RBBP8NL: variants seen among roughly 807,000 people sequenced by gnomAD.
RBBP8NL encodes RBBP8 N-terminal-like protein.
Under a neutral mutation model 62.2 loss-of-function variants are expected in RBBP8NL, and 59 were observed. The ratio of observed to expected loss-of-function variants is 0.95; its 90% CI spans 0.77 to 1.18. RBBP8NL has a LOEUF of 1.18. Among genes scored for constraint, RBBP8NL ranks in the 50% most tolerant of loss-of-function variants. The probability of loss-of-function intolerance (pLI) is 0.00; values close to 1 mark genes in which losing one functional copy is unlikely to be tolerated. For missense variants in RBBP8NL, 896 were observed against 899.5 expected (o/e 1.00, Z 0.05); for synonymous variants, 412 against 394.1 (o/e 1.05, Z -0.54).
chr20:62,414,101 G>A lies in RBBP8NL; in HGVS notation c.1250C>T (p.Thr417Ile). 6.3e-7 allele frequency: 1 copy of A among 1,593,002 alleles called. No homozygotes were observed. The highest frequency in any genetic ancestry group is 8.5e-7 in the Non-Finnish European group (1 of 1,171,808). Residue 417 changes from threonine to isoleucine, a missense_variant, in exon 10 of 14, where the codon ACA (threonine) becomes ATA (isoleucine). By Grantham distance (89) the Thr-to-Ile change is moderately conservative. Coordinates refer to ENST00000252998, the MANE Select transcript of RBBP8NL (RefSeq NM_080833.3). ...GGCGCGGCCCGGGCCTGCAGGCTGT[G>A]TGTGCCGCCCTCCAGACAGGCCTGC... Reference protein sequence around the residue: ...AAAGLSGGRHTQPAGPGRAQR... With the variant: ...AAAGLSGGRHIQPAGPGRAQR...
intron 5 of RBBP8NL, among the ~76,000 whole-genome samples, chr20:62,416,444 G>A (rs563115630): frequency 1.3e-5 from 2 of 152,342 alleles, no homozygotes; most frequent in African/African-American, 4.8e-5. Flanking sequence ...GAGGGAAGGG[G>A]GCTTGCCCTT....
At position 62,412,638 on chromosome 20, in the gene RBBP8NL, T is replaced by C. The variant is rs758640083; in HGVS notation, c.1862A>G (p.Glu621Gly). 4.4e-6 allele frequency: 7 copies of C among 1,605,254 alleles called. No homozygotes were observed. Among genetic ancestry groups the C allele is most frequent in the Non-Finnish European group, 5.1e-6 (6 of 1,179,860 alleles). ...GPPRKRKRAS[E>G]PGDKASKKPS... ...GCCAGCTGTACCTTTGTCCCCAGGC[T>C]CCGAGGCCCGCTTCCTCTTCCGTGG... is the stretch of plus-strand genomic sequence containing the variant. The change falls in exon 13 of 14, where the codon GAG becomes GGG. Residue 621 changes from glutamate to glycine, a missense_variant. Physicochemically the swap from Glu to Gly is moderately conservative, Grantham distance 98. Coordinates refer to ENST00000252998, the MANE Select transcript of RBBP8NL (RefSeq NM_080833.3).
chr20:62,426,904 G>A (rs954728202), intron 1 of RBBP8NL, among the ~76,000 whole-genome samples: 15 of 152,244 alleles, frequency 9.9e-5, no homozygotes, highest in African/African-American at 2.9e-4. Context: ...GAGGTGGGCC[G>A]GGCTGCTCTC....
intron 2 of RBBP8NL, among the ~76,000 whole-genome samples, 175 bp downstream of exon 2, chr20:62,419,412 G>A (rs1392547621): frequency 1.3e-5 from 2 of 152,152 alleles, no homozygotes; most frequent in African/African-American, 2.4e-5. Flanking sequence ...TGTCTGCCAC[G>A]TTGTAGCTCT....
rs1237346736 is a variant in RBBP8NL at position 62,419,626 on chromosome 20, G to A, written c.22C>T (p.Leu8=). The A allele has an allele frequency of 6.2e-7, 1 of 1,613,478 alleles. No individual in the cohort carries two copies. Among genetic ancestry groups the A allele is most frequent in the Non-Finnish European group, 8.5e-7 (1 of 1,179,946 alleles). Residue 8 remains leucine, a synonymous_variant, in exon 2 of 14, where the codon CTG becomes TTG. Transcript: ENST00000252998. The part of the protein sequence containing the change: MESFMES[L]NRLKEIHEKE... ...TCGTGGATCTCCTTCAGCCTGTTCAGCGACTCCATGAAGCTCTCCATGGCT... is the reference window on the plus strand; with the variant it reads ...TCGTGGATCTCCTTCAGCCTGTTCAACGACTCCATGAAGCTCTCCATGGCT...
Position 62,417,399 on chromosome 20 carries a change from G to C in RBBP8NL, c.105-80C>G, listed in dbSNP as rs1988593840. 10 of 1,170,972 alleles carry C rather than the reference G, an allele frequency of 8.5e-6. No homozygotes were observed. The South Asian group carries it at 1.4e-4, about 16-fold the overall frequency. The allele number at this position is 1,170,972 out of a possible 1,614,324, so 72.5% of individuals were successfully genotyped here. A position where few individuals can be genotyped will look rare whatever the true frequency, so the allele number is the denominator to read the frequency against. On this transcript the variant is annotated intron_variant, in intron 3 of 13. Coordinates refer to ENST00000252998, the MANE Select transcript of RBBP8NL (RefSeq NM_080833.3). ...TGTCCCCACCATCCAGCCTGGGGGG[G>C]CAGCGCGATTCGGCACCTGCAGCCT...
chr20:62,415,640 T>C lies in RBBP8NL; in HGVS notation c.565A>G (p.Thr189Ala). The C allele has an allele frequency of 1.2e-6, 2 of 1,612,952 alleles. No individual in the cohort carries two copies. Among genetic ancestry groups the C allele is most frequent in the Non-Finnish European group, 1.7e-6 (2 of 1,179,894 alleles). ...RGEEKPAGHR[T>A]SPVAKISPGA... ...GGGGAGATTTTGGCCACTGGAGATGTCCTGTGCCCTGCTGGCTTTTCTGTG... is the reference window on the plus strand; with the variant it reads ...GGGGAGATTTTGGCCACTGGAGATGCCCTGTGCCCTGCTGGCTTTTCTGTG... The change falls in exon 8 of 14, where the codon ACA (threonine) becomes GCA (alanine). Residue 189 changes from threonine (T) to alanine (A), a missense_variant. Thr to Ala is a moderately conservative substitution (Grantham distance 58). Coordinates refer to ENST00000252998, the MANE Select transcript of RBBP8NL (RefSeq NM_080833.3).
chr20:62,416,805 A>C lies in RBBP8NL; in HGVS notation c.268T>G (p.Phe90Val). The C allele has an allele frequency of 6.3e-7, 1 of 1,589,456 alleles. No individual in the cohort carries two copies. The highest frequency in any genetic ancestry group is 1.3e-5 in the African/African-American group (1 of 74,490). ...AGGTTCTGCAGGTGGGAGCTCTCGA[A>C]CTCCTGCTGCCGCTTCCTGGCCAGC... ...QELARKRQQEFESSHLQNLQR... is the reference protein window; with the variant it reads ...QELARKRQQEVESSHLQNLQR... Residue 90 changes from phenylalanine to valine, a missense_variant, in exon 5 of 14, where the codon TTC (phenylalanine) becomes GTC (valine). Physicochemically the swap from Phe to Val is conservative, Grantham distance 50. Coordinates refer to ENST00000252998, the MANE Select transcript of RBBP8NL (RefSeq NM_080833.3).
At position 62,424,295 on chromosome 20, in the gene RBBP8NL, T is replaced by TGG. The variant is rs145711661; in HGVS notation, c.-84+3163_-84+3164dup. Reference sequence around the variant, plus strand: ...CCACCTGCTGCTTGCAGCTGGGCCGTGGGGGGGGCAGGTGTGAGGGGCGCA... The same window carrying TGG: ...CCACCTGCTGCTTGCAGCTGGGCCGTGGGGGGGGGGCAGGTGTGAGGGGCGCA... On this transcript the variant is annotated intron_variant, in intron 1 of 13. Transcript: ENST00000252998. Among the ~76,000 whole-genome samples, 384 of 147,522 alleles carry TGG rather than the reference T, an allele frequency of 2.6e-3. 1 individual carries two copies. Among genetic ancestry groups the TGG allele is most frequent in the Non-Finnish European group, 4.1e-3 (271 of 66,560 alleles).
chr20:62,414,540 G>A lies in RBBP8NL; in HGVS notation c.811C>T (p.Arg271Trp), dbSNP rs542197868. The change falls in exon 10 of 14, where the codon CGG becomes TGG. Residue 271 changes from arginine to tryptophan, a missense_variant. By Grantham distance (101) the Arg-to-Trp change is moderately radical. Coordinates refer to ENST00000252998, the MANE Select transcript of RBBP8NL (RefSeq NM_080833.3). The stretch of plus-strand genomic sequence containing the variant: ...GCCTCATGGGTCATGGCGGAGGGCC[G>A]GGAGGCCCGCAGGAAGCTGTGAGGG... ...LSLDSFLRASRPSAMTHEAPK... is the reference protein window; with the variant it reads ...LSLDSFLRASWPSAMTHEAPK... 27 of 1,426,912 alleles carry A rather than the reference G, an allele frequency of 1.9e-5. No individual in the cohort carries two copies. Among genetic ancestry groups the A allele is most frequent in the South Asian group, 1.5e-4 (9 of 60,884 alleles). 88.4% of individuals were successfully genotyped at this position (1,426,912 alleles called of 1,614,324 possible).
At chr20:62,423,045 T>C (rs1199825445) in intron 1 of RBBP8NL, among the ~76,000 whole-genome samples, 1 of 151,880 alleles carries the variant, frequency 6.6e-6, no homozygotes, top group African/African-American at 2.4e-5. Flanking sequence ...CTGGGAGGGA[T>C]GTCTTTGCTG....
chr20:62,422,440 G>T (rs1238367908), intron 1 of RBBP8NL, among the ~76,000 whole-genome samples: 2 of 150,668 alleles, frequency 1.3e-5, no homozygotes, highest in Non-Finnish European at 3.0e-5. Context: ...GGCCCTGGAA[G>T]TCAGGTGGTG....
At chr20:62,421,498 CTG>C (rs10568987) in intron 1 of RBBP8NL, among the ~76,000 whole-genome samples, 14,416 of 131,544 alleles carry the variant, frequency 0.11, 2,475 homozygotes, top group African/African-American at 0.38. Flanking sequence ...CATGTGTGTG[CTG>C]TGTGTGTGTG....
intron 1 of RBBP8NL, among the ~76,000 whole-genome samples, chr20:62,424,303 G>C (rs1020233094): frequency 1.3e-5 from 2 of 151,978 alleles, no homozygotes; most frequent in African/African-American, 4.8e-5. Context: ...CGTGGGGGGG[G>C]CAGGTGTGAG....
At chr20:62,427,175 A>G (rs537444457) in intron 1 of RBBP8NL, among the ~76,000 whole-genome samples, 1 of 152,326 alleles carries the variant, frequency 6.6e-6, no homozygotes, top group South Asian at 2.1e-4. Context: ...CAAGCCCCTC[A>G]GCAGACCATG....
intron 2 of RBBP8NL, among the ~76,000 whole-genome samples, 196 bp downstream of exon 2, chr20:62,419,391 C>T (rs1466366535): frequency 6.6e-6 from 1 of 152,148 alleles, no homozygotes; most frequent in East Asian, 1.9e-4. Flanking sequence ...AGCACTCGGG[C>T]CCAGGCAGGG....
At position 62,417,298 on chromosome 20, in the gene RBBP8NL, C is replaced by A; in HGVS notation, c.126G>T (p.Glu42Asp). The change falls in exon 4 of 14, where the codon GAG (glutamate) becomes GAT (aspartate). Residue 42 changes from glutamate (E) to aspartate (D), a missense_variant. Transcript: ENST00000252998. ...ERCRDAQRIE[E>D]LFSKNHQLRE... ...GGAGCTGGTGGTTCTTGGAGAAGAG[C>A]TCCTCGATCCTCTGGGCGTCCCTGT... is the stretch of plus-strand genomic sequence containing the variant. The A allele has an allele frequency of 6.2e-7, 1 of 1,601,306 alleles. No individual in the cohort carries two copies. The highest frequency in any genetic ancestry group is 1.3e-5 in the African/African-American group (1 of 74,866).
Position 62,413,428 on chromosome 20 carries a change from G to A in RBBP8NL, c.1648C>T (p.Gln550Ter). The change falls in exon 11 of 14, where the codon CAG becomes TAG. Residue 550 changes from glutamine to a stop codon, truncating the protein, a stop_gained. Coordinates refer to ENST00000252998, the MANE Select transcript of RBBP8NL (RefSeq NM_080833.3). LOFTEE classifies it high-confidence loss of function. ...PPHPQPPPHP[Q>*]PPDLDGHPEP... ...GGGTGGCCGTCCAGGTCAGGCGGCT[G>A]TGGGTGGGGAGGCGGCTGTGGGTGG... 2.1e-6 allele frequency: 3 copies of A among 1,460,488 alleles called. No individual in the cohort carries two copies. Among genetic ancestry groups the A allele is most frequent in the South Asian group, 1.6e-5 (1 of 64,492 alleles). The allele number at this position is 1,460,488 out of a possible 1,614,324, so 90.5% of individuals were successfully genotyped here. A position where few individuals can be genotyped will look rare whatever the true frequency, so the allele number is the denominator to read the frequency against.
rs1601485618 is a variant in RBBP8NL at position 62,413,845 on chromosome 20, C to A, written c.1506G>T (p.Glu502Asp). The A allele has an allele frequency of 6.3e-7, 1 of 1,596,290 alleles. No individual in the cohort carries two copies. The highest frequency in any genetic ancestry group is 8.5e-7 in the Non-Finnish European group (1 of 1,172,618). Residue 502 changes from glutamate to aspartate, a missense_variant, in exon 10 of 14, where the codon GAG becomes GAT. By Grantham distance (45) the Glu-to-Asp change is conservative (BLOSUM62 2). Coordinates refer to ENST00000252998, the MANE Select transcript of RBBP8NL (RefSeq NM_080833.3). Reference sequence around the variant, plus strand: ...CCATGGGAGTGGAAGCCTCCTCCTGCTCTGGCACTCTGGTCCCCTTGGTGC... The same window carrying A: ...CCATGGGAGTGGAAGCCTCCTCCTGATCTGGCACTCTGGTCCCCTTGGTGC... Reference protein sequence around the residue: ...SNGTKGTRVPEQEEASTPMDP... With the variant: ...SNGTKGTRVPDQEEASTPMDP...
Sources: gnomAD v4.1 joint callset for allele counts (sites outside exome capture counted in the v4.1 genomes callset) on GRCh38, gnomAD v4.1.1 for gene constraint, MANE v1.5 for transcripts, NCBI Gene and HGNC (gene_info 2026-07-23, HGNC 2026-07-21) for gene names.